CEP76: variants seen among roughly 807,000 people sequenced by gnomAD.
CEP76 encodes centrosomal protein of 76 kDa.
CEP76 carries 55 observed loss-of-function variants against 83.3 expected under a neutral mutation model. The observed-to-expected ratio is 0.66, with a 90% CI of 0.53 to 0.83. The LOEUF (loss-of-function observed/expected upper bound fraction) is 0.83, where lower values mean the gene tolerates loss of function less well. CEP76 is among the 40% of genes least tolerant of loss of function. The pLI is 0.00. For missense variants in CEP76, 694 were observed against 799.5 expected (o/e 0.87, Z 1.59); for synonymous variants, 270 against 274.5 (o/e 0.98, Z 0.16).
chr18:12,699,057 G>GA lies in CEP76; in HGVS notation c.441dup (p.Arg148SerfsTer3). ...CAGGCACATGGAACAGGTTTAGAACGAAAACGTTGGTTTCGATAATGTAAA... is the reference window on the plus strand; with the variant it reads ...CAGGCACATGGAACAGGTTTAGAACGAAAAACGTTGGTTTCGATAATGTAAA... On this transcript the variant is annotated frameshift_variant, in exon 4 of 12. Transcript: ENST00000262127. LOFTEE classifies it high-confidence loss of function. The GA allele has an allele frequency of 6.2e-7, 1 of 1,614,034 alleles. No individual in the cohort carries two copies. Among genetic ancestry groups the GA allele is most frequent in the Non-Finnish European group, 8.5e-7 (1 of 1,179,966 alleles).
At chr18:12,669,261 C>T (rs530526069), downstream of CEP76, among the ~76,000 whole-genome samples, 397 of 151,840 alleles carry the variant, frequency 2.6e-3, 3 homozygotes, top group South Asian at 0.014. Context: ...TACAGGCATG[C>T]GCCACCATGC....
Position 12,674,768 on chromosome 18 carries a change from G to A in CEP76, c.1624-15C>T. 3 of 1,545,756 alleles carry A rather than the reference G, an allele frequency of 1.9e-6. No individual in the cohort carries two copies. Among genetic ancestry groups the A allele is most frequent in the Admixed American group, 2.0e-5 (1 of 51,086 alleles). ...AGGCCAAGATCCTATGAGCAATCAA[G>A]AGAAAAAGAAAAAGTGAAATACATT... On this transcript the variant is annotated splice_polypyrimidine_tract_variant and intron_variant, in intron 10 of 11. Transcript: ENST00000262127.
At chr18:12,691,300 C>T in intron 7 of CEP76, 59 bp downstream of exon 7, 2 of 1,051,516 alleles carry the variant, frequency 1.9e-6, no homozygotes, top group Non-Finnish European at 2.7e-6. Flanking sequence ...ATGAAATTTA[C>T]ACACATAACA....
downstream of CEP76, among the ~76,000 whole-genome samples, chr18:12,668,533 G>C (rs1433533515): frequency 7.2e-6 from 1 of 138,486 alleles, no homozygotes; most frequent in Non-Finnish European, 1.5e-5. Flanking sequence ...AGGAGGTAGA[G>C]GTTGCAGGGA....
At chr18:12,682,763 A>G (rs576072491) in intron 8 of CEP76, among the ~76,000 whole-genome samples, 23 of 152,030 alleles carry the variant, frequency 1.5e-4, no homozygotes, top group Admixed American at 8.5e-4. Flanking sequence ...CTAGGACTAC[A>G]GGCGTGCACC....
chr18:12,680,316 C>A (rs2039299400), intron 9 of CEP76, among the ~76,000 whole-genome samples: 1 of 152,128 alleles, frequency 6.6e-6, no homozygotes, highest in African/African-American at 2.4e-5. Flanking sequence ...ATAACTTAAG[C>A]CGGACACAGT....
rs1041943803 is a variant in CEP76, at chr18:12,702,562, G to A, written c.-14C>T. The A allele has an allele frequency of 1.3e-6, 2 of 1,560,182 alleles. No individual in the cohort carries two copies. The highest frequency in any genetic ancestry group is 2.3e-5 in the South Asian group (2 of 87,082). ...AGGCAGCGACATGCTGGCAGCCGGCGTCTCCCCGCCGCTTCTCCCCGCCTC... is the reference window on the plus strand; with the variant it reads ...AGGCAGCGACATGCTGGCAGCCGGCATCTCCCCGCCGCTTCTCCCCGCCTC... On this transcript the variant is annotated 5_prime_UTR_variant, in exon 1 of 12. It adds an upstream start codon to the 5' untranslated region. Coordinates refer to ENST00000262127, the MANE Select transcript of CEP76 (RefSeq NM_024899.4).
chr18:12,672,917 A>C lies in CEP76; in HGVS notation c.*448T>G, dbSNP rs1174656098. 1.0e-6 allele frequency: 1 copy of C among 984,642 alleles called. No individual in the cohort carries two copies. The highest frequency in any genetic ancestry group is 1.7e-5 in the African/African-American group (1 of 57,238). 61.0% of individuals were successfully genotyped at this position (984,642 alleles called of 1,614,324 possible). The stretch of plus-strand genomic sequence containing the variant: ...TAACATTTATTTTCACCAATGCAAT[A>C]AATAAATCTGTCATGAGGTTAATTT... On this transcript the variant is annotated 3_prime_UTR_variant, in exon 12 of 12. Coordinates refer to ENST00000262127, the MANE Select transcript of CEP76 (RefSeq NM_024899.4).
intron 8 of CEP76, chr18:12,684,487 T>G (rs1409576914): frequency 8.9e-5 from 5 of 56,156 alleles, no homozygotes; most frequent in South Asian, 3.5e-4. Context: ...AGTTTTTTGT[T>G]TTTTTTTTTT....
intron 12 of CEP76, among the ~76,000 whole-genome samples, chr18:12,666,148 C>G: frequency 9.0e-6 from 1 of 110,796 alleles, no homozygotes; most frequent in East Asian, 2.5e-4. Flanking sequence ...AAGAACTCAT[C>G]TCTACAAAAA....
chr18:12,694,715 T>C (rs533438239), intron 6 of CEP76, among the ~76,000 whole-genome samples: 1 of 149,748 alleles, frequency 6.7e-6, no homozygotes, highest in Admixed American at 6.6e-5. Context: ...ATTCTTTTTT[T>C]TTTTTTCTTT....
chr18:12,672,913 C>CA lies in CEP76; in HGVS notation c.*451dup, dbSNP rs2038983875. 1 of 983,802 alleles carries CA rather than the reference C, an allele frequency of 1.0e-6. No individual in the cohort carries two copies. Among genetic ancestry groups the CA allele is most frequent in the Non-Finnish European group, 1.2e-6 (1 of 828,494 alleles). The allele number at this position is 983,802 out of a possible 1,614,324, so 60.9% of individuals were successfully genotyped here. A position where few individuals can be genotyped will look rare whatever the true frequency, so the allele number is the denominator to read the frequency against. On this transcript the variant is annotated 3_prime_UTR_variant, in exon 12 of 12. Transcript: ENST00000262127. The stretch of plus-strand genomic sequence containing the variant: ...TCATTAACATTTATTTTCACCAATG[C>CA]AATAAATAAATCTGTCATGAGGTTA...
At chr18:12,668,877 A>G (rs1326754013), downstream of CEP76, among the ~76,000 whole-genome samples, 1 of 149,380 alleles carries the variant, frequency 6.7e-6, no homozygotes, top group Non-Finnish European at 1.5e-5. Context: ...AGTAGCTGGG[A>G]TTACAGGTGT....
In CEP76 at chr18:12,701,252, G is replaced by C. The variant is rs1034196665; in HGVS notation, c.64-139C>G. The C allele has an allele frequency of 8.0e-6, 5 of 626,200 alleles. No individual in the cohort carries two copies. In the African/African-American group the frequency reaches 9.2e-5, roughly 11 times the overall value. 38.8% of individuals were successfully genotyped at this position (626,200 alleles called of 1,614,324 possible). A position where few individuals can be genotyped will look rare whatever the true frequency, so the allele number is the denominator to read the frequency against. On this transcript the variant is annotated intron_variant, in intron 1 of 11. Coordinates refer to ENST00000262127, the MANE Select transcript of CEP76 (RefSeq NM_024899.4). Reference sequence around the variant, plus strand: ...ATGGGAACAAAGGTAAGCTTTTAAAGAATGAATCTTTTGAGTACAAATTCT... The same window carrying C: ...ATGGGAACAAAGGTAAGCTTTTAAACAATGAATCTTTTGAGTACAAATTCT...
downstream of CEP76, among the ~76,000 whole-genome samples, chr18:12,667,848 C>CT (rs36019439): frequency 0.01 from 1,214 of 116,676 alleles, 18 homozygotes; most frequent in African/African-American, 0.024. Flanking sequence ...CTTTCTGATC[C>CT]TTTTTTTTTT....
chr18:12,692,303 G>A (rs1343080511), intron 6 of CEP76: 2 of 150,482 alleles, frequency 1.3e-5, no homozygotes, highest in Non-Finnish European at 3.0e-5. Context: ...GCGATAGAGT[G>A]AGACTCTATC....
At chr18:12,694,659 C>A (rs1018568073) in intron 6 of CEP76, among the ~76,000 whole-genome samples, 19 of 152,054 alleles carry the variant, frequency 1.2e-4, no homozygotes, top group Non-Finnish European at 2.1e-4. Flanking sequence ...TCCCATCCCA[C>A]TGAGGTTGCA....
chr18:12,672,662 A>G lies in CEP76; in HGVS notation c.*703T>C, dbSNP rs1213942082. On this transcript the variant is annotated 3_prime_UTR_variant, in exon 12 of 12. Coordinates refer to ENST00000262127, the MANE Select transcript of CEP76 (RefSeq NM_024899.4). The stretch of plus-strand genomic sequence containing the variant: ...TGCAAGATCACAATTTATCAGTATC[A>G]TAACAAAGAGGTATAATAAAGTTTT... 1.0e-6 allele frequency: 1 copy of G among 981,778 alleles called. No homozygotes were observed. The highest frequency in any genetic ancestry group is 1.2e-6 in the Non-Finnish European group (1 of 826,552). 60.8% of individuals were successfully genotyped at this position (981,778 alleles called of 1,614,324 possible).
chr18:12,662,059 C>A, exon 13 of CEP76: 1 of 364,364 alleles, frequency 2.7e-6, no homozygotes, highest in Non-Finnish European at 5.4e-6. Context: ...ATGCTTCATA[C>A]TCTGGAGGTA....
Sources: gnomAD v4.1 joint callset for allele counts (sites outside exome capture counted in the v4.1 genomes callset) on GRCh38, gnomAD v4.1.1 for gene constraint, MANE v1.5 for transcripts, NCBI Gene and HGNC (gene_info 2026-07-23, HGNC 2026-07-21) for gene names.